Variants in FLNB observed in about 807,000 individuals in gnomAD.
FLNB encodes the protein filamin B.
In FLNB, 111 loss-of-function variants were observed where a neutral mutation model predicts 250.6. The ratio of observed to expected loss-of-function variants is 0.44; its 90% CI spans 0.38 to 0.52. The LOEUF (loss-of-function observed/expected upper bound fraction) is 0.52, where lower values mean the gene tolerates loss of function less well. Ranked by LOEUF, FLNB falls within the 20% of genes least tolerant of loss-of-function variation. FLNB has a pLI of 0.00. For missense variants in FLNB, 2,869 were observed against 3,447.8 expected, an observed-to-expected ratio of 0.83 and a Z score of 4.20; for synonymous variants, 1,302 against 1,372.1, an observed-to-expected ratio of 0.95 and a Z score of 1.13.
intron 19 of FLNB, among the ~76,000 whole-genome samples, chr3:58,119,588 G>C (rs1192697281): frequency 6.6e-6 from 1 of 152,148 alleles, no homozygotes; most frequent in Non-Finnish European, 1.5e-5. Context: ...AAACAGAAAA[G>C]GAAAGAGAAT....
intron 12 of FLNB, 47 bp from the exon 13 acceptor site, chr3:58,108,411 G>A (rs769274615): frequency 1.6e-5 from 20 of 1,232,648 alleles, no homozygotes; most frequent in African/African-American, 5.9e-5. Context: ...TAAGGGTTTA[G>A]TTGGGGCATT....
In FLNB at chr3:58,098,861, C is replaced by G; in HGVS notation, c.1298C>G (p.Ala433Gly). The change falls in exon 8 of 46, where the codon GCT (alanine) becomes GGT (glycine). Residue 433 changes from alanine (A) to glycine (G), a missense_variant. This residue lies in a region of FLNB where 1,348 missense variants were observed against 1,466.7 expected (regional missense o/e 0.92). Transcript: ENST00000295956. ...CCTCACGTGGTCAAGATCTTCTTTG[C>G]TGGGGACACTATTCCTAAGAGTCCC... is the stretch of plus-strand genomic sequence containing the variant. ...PGPHVVKIFF[A>G]GDTIPKSPFV... is the part of the protein sequence containing the mutation. The G allele has an allele frequency of 6.2e-7, 1 of 1,614,096 alleles. No homozygotes were observed. Among genetic ancestry groups the G allele is most frequent in the South Asian group, 1.1e-5 (1 of 91,072 alleles).
At chr3:58,072,947 A>C (rs115260536) in intron 1 of FLNB, among the ~76,000 whole-genome samples, 2 of 152,216 alleles carry the variant, frequency 1.3e-5, no homozygotes, top group South Asian at 4.1e-4. Context: ...TTTCATGTTA[A>C]TGATTTCATG....
At chr3:58,089,506 G>A (rs1453519828) in intron 4 of FLNB, among the ~76,000 whole-genome samples, 5 of 146,936 alleles carry the variant, frequency 3.4e-5, no homozygotes, top group South Asian at 2.2e-4. Context: ...AGGTCATGCC[G>A]TTGCCCTCCA....
intron 43 of FLNB, 69 bp from the exon 44 acceptor site, chr3:58,168,371 C>T: frequency 8.3e-7 from 1 of 1,201,980 alleles, no homozygotes; most frequent in Non-Finnish European, 1.2e-6. Context: ...TGTCCCTCAC[C>T]ACGGCCTCAG....
chr3:58,141,243 A>G (rs1464650686), intron 29 of FLNB, among the ~76,000 whole-genome samples: 1 of 152,144 alleles, frequency 6.6e-6, no homozygotes. Context: ...ACAGAGCAAA[A>G]CTCTGCCTCA....
chr3:58,028,359 G>A (rs1314595393), intron 1 of FLNB, among the ~76,000 whole-genome samples: 1 of 150,976 alleles, frequency 6.6e-6, no homozygotes, highest in Admixed American at 6.6e-5. Flanking sequence ...TGTGTACATG[G>A]GGTCTACAAA....
At chr3:58,012,172 T>C (rs2097099783) in intron 1 of FLNB, among the ~76,000 whole-genome samples, 1 of 142,112 alleles carries the variant, frequency 7.0e-6, no homozygotes, top group Non-Finnish European at 1.5e-5. Context: ...GGTCTTTGTG[T>C]AACTGCACTC....
At chr3:58,059,458 T>C (rs1170184253) in intron 1 of FLNB, among the ~76,000 whole-genome samples, 1 of 152,160 alleles carries the variant, frequency 6.6e-6, no homozygotes, top group Non-Finnish European at 1.5e-5. Context: ...CTCTGAGATG[T>C]AGACACTGCA....
At chr3:58,109,723 C>T in intron 15 of FLNB, 24 bp downstream of exon 15, 1 of 1,613,986 alleles carries the variant, frequency 6.2e-7, no homozygotes, top group Non-Finnish European at 8.5e-7. Context: ...TTGTTCAACC[C>T]AGTGATCATT....
Position 58,169,008 on chromosome 3 carries a change from T to C in FLNB, c.7417+350T>C. 1 of 331,930 alleles carries C rather than the reference T, an allele frequency of 3.0e-6. No individual in the cohort carries two copies. The highest frequency in any genetic ancestry group is 5.8e-6 in the Non-Finnish European group (1 of 172,588). 20.6% of individuals were successfully genotyped at this position (331,930 alleles called of 1,614,324 possible). ...TAATCAAAAAGTTTTCCTATACTTATAAAAATGTGTCTCCTCCAAAACACT... is the reference window on the plus strand; with the variant it reads ...TAATCAAAAAGTTTTCCTATACTTACAAAAATGTGTCTCCTCCAAAACACT... On this transcript the variant is annotated intron_variant, in intron 44 of 45. Coordinates refer to ENST00000295956, the MANE Select transcript of FLNB (RefSeq NM_001457.4). This position sits in a 1 kb window ranked among gnomAD's most constrained non-coding sequence, Gnocchi z 4.8.
intron 18 of FLNB, among the ~76,000 whole-genome samples, chr3:58,117,591 G>A (rs1219762389): frequency 6.6e-6 from 1 of 152,210 alleles, no homozygotes; most frequent in East Asian, 1.9e-4. Context: ...CACGTTGGCT[G>A]AAGTAGCGAG....
intron 39 of FLNB, among the ~76,000 whole-genome samples, chr3:58,153,998 T>C (rs920167104): frequency 2.6e-5 from 4 of 152,226 alleles, no homozygotes; most frequent in Non-Finnish European, 5.9e-5. Context: ...TAAGCATCCT[T>C]TCCTGTGGTT....
At chr3:58,077,729 C>G (rs2097203652) in intron 2 of FLNB, among the ~76,000 whole-genome samples, 1 of 152,184 alleles carries the variant, frequency 6.6e-6, no homozygotes. Flanking sequence ...ACTGGTTTGA[C>G]TATATATGGC....
At chr3:58,043,151 T>G (rs150139455) in intron 1 of FLNB, among the ~76,000 whole-genome samples, 2 of 147,888 alleles carry the variant, frequency 1.4e-5, no homozygotes, top group African/African-American at 5.0e-5. Context: ...CTTTTTTTTT[T>G]TTTTTTTTTT....
chr3:58,117,793 T>G (rs1576748716), intron 18 of FLNB, among the ~76,000 whole-genome samples: 1 of 150,570 alleles, frequency 6.6e-6, no homozygotes, highest in South Asian at 2.1e-4. Context: ...GCAACCAGTT[T>G]TTTTTTTTTT....
intron 36 of FLNB, chr3:58,149,116 G>C: frequency 2.1e-6 from 1 of 487,002 alleles, no homozygotes; most frequent in South Asian, 2.1e-5. Flanking sequence ...ACAACACCTC[G>C]CAAACCCCTG....
chr3:58,084,757 G>A (rs1029887702), intron 4 of FLNB, among the ~76,000 whole-genome samples: 2 of 152,020 alleles, frequency 1.3e-5, no homozygotes, highest in African/African-American at 4.8e-5. Flanking sequence ...AAACAATAGC[G>A]CCCCATTCTC....
chr3:58,092,018 A>G (rs939972606), intron 4 of FLNB, among the ~76,000 whole-genome samples: 1 of 152,244 alleles, frequency 6.6e-6, no homozygotes, highest in Non-Finnish European at 1.5e-5. Context: ...ATGTAGAAAG[A>G]ACTCTCAAGT....
Sources: gnomAD v4.1 joint callset for allele counts (sites outside exome capture counted in the v4.1 genomes callset) on GRCh38, gnomAD v4.1.1 for gene constraint, gnomAD v4.1.1 regional missense constraint, Gnocchi (gnomAD v3.1) non-coding constraint, MANE v1.5 for transcripts, NCBI Gene and HGNC (gene_info 2026-07-23, HGNC 2026-07-21) for gene names.